Variants in PDE3A observed in about 807,000 individuals in gnomAD.
PDE3A encodes the protein cGMP-inhibited 3',5'-cyclic phosphodiesterase 3A.
A neutral mutation model predicts 98.3 loss-of-function variants in PDE3A; 43 were observed. The observed-to-expected ratio is 0.44, with a 90% CI of 0.34 to 0.56. The LOEUF (loss-of-function observed/expected upper bound fraction) is 0.56. Ranked by LOEUF, PDE3A falls within the 20% of genes least tolerant of loss-of-function variation. The probability of loss-of-function intolerance (pLI) is 0.01; values close to 1 mark genes in which losing one functional copy is unlikely to be tolerated. For missense variants in PDE3A, 1,427 were observed against 1,440.7 expected (o/e 0.99, Z 0.15); for synonymous variants, 663 against 567.9 (o/e 1.17, Z -2.38).
chr12:20,429,871 A>G lies in PDE3A; in HGVS notation c.960+59627A>G, dbSNP rs79705213. On this transcript the variant is annotated intron_variant, in intron 1 of 15. Transcript: ENST00000359062. ...ATCTTAGACACTGATTTTTTTTTTTATGTCATTTTGACATCCCTCCAGCAC... is the reference window on the plus strand; with the variant it reads ...ATCTTAGACACTGATTTTTTTTTTTGTGTCATTTTGACATCCCTCCAGCAC... Among the ~76,000 whole-genome samples the G allele has an allele frequency of 6.8e-5, 10 of 146,724 alleles. No homozygotes were observed. In the South Asian group the frequency reaches 1.5e-3, roughly 22 times the overall value.
intron 2 of PDE3A, among the ~76,000 whole-genome samples, chr12:20,570,391 G>A (rs1426132446): frequency 2.0e-5 from 2 of 100,178 alleles, no homozygotes; most frequent in African/African-American, 8.3e-5. Context: ...CTGGGCAACA[G>A]AATGCGACGC....
At chr12:20,551,114 T>A (rs954285430) in intron 1 of PDE3A, among the ~76,000 whole-genome samples, 2 of 151,790 alleles carry the variant, frequency 1.3e-5, no homozygotes, top group African/African-American at 4.8e-5. Context: ...AATTTGCAAA[T>A]ATAATAGGCA....
At chr12:20,388,131 G>A (rs939372092) in intron 1 of PDE3A, among the ~76,000 whole-genome samples, 8 of 152,032 alleles carry the variant, frequency 5.3e-5, no homozygotes, top group South Asian at 2.1e-4. Flanking sequence ...CTTAGTGGTC[G>A]TTTGGGTTGG....
At chr12:20,640,898 T>G (rs1318225262) in intron 10 of PDE3A, among the ~76,000 whole-genome samples, 1 of 152,130 alleles carries the variant, frequency 6.6e-6, no homozygotes, top group Non-Finnish European at 1.5e-5. Flanking sequence ...AATATGTTAT[T>G]TAAATCATAT....
chr12:20,559,491 GATA>G (rs140415835), intron 2 of PDE3A, among the ~76,000 whole-genome samples: 115 of 149,164 alleles, frequency 7.7e-4, no homozygotes, highest in Admixed American at 3.0e-3. Flanking sequence ...TACAAATAAT[GATA>G]ATAATAATAA....
intron 1 of PDE3A, among the ~76,000 whole-genome samples, chr12:20,506,126 G>GTGTGTA (rs1435336754): frequency 9.5e-4 from 141 of 148,694 alleles, no homozygotes; most frequent in African/African-American, 3.5e-3. Flanking sequence ...GTGTGTGTGT[G>GTGTGTA]TGTATGTGTG....
At chr12:20,386,463 A>G (rs1167899232) in intron 1 of PDE3A, among the ~76,000 whole-genome samples, 1 of 150,734 alleles carries the variant, frequency 6.6e-6, no homozygotes. Flanking sequence ...GCCTTTGTCC[A>G]CTTTTTAATG....
chr12:20,562,995 A>G (rs1011859601), intron 2 of PDE3A, among the ~76,000 whole-genome samples: 2 of 152,170 alleles, frequency 1.3e-5, no homozygotes, highest in African/African-American at 2.4e-5. Context: ...CCTATTTTGG[A>G]GCAGGTCTTT....
At chr12:20,664,179 T>A (rs1945250792) in intron 15 of PDE3A, among the ~76,000 whole-genome samples, 1 of 152,122 alleles carries the variant, frequency 6.6e-6, no homozygotes, top group African/African-American at 2.4e-5. Context: ...TGTGGAACTG[T>A]GAGTCAATTA....
intron 2 of PDE3A, among the ~76,000 whole-genome samples, chr12:20,589,761 C>T (rs898719712): frequency 2.7e-5 from 4 of 150,740 alleles, no homozygotes; most frequent in Admixed American, 6.6e-5. Context: ...CCCAGCTACT[C>T]GGGAGGCTGA....
chr12:20,433,383 G>GA (rs1944728829), intron 1 of PDE3A, among the ~76,000 whole-genome samples: 2 of 152,088 alleles, frequency 1.3e-5, no homozygotes, highest in African/African-American at 2.4e-5. Context: ...TTATGATGTA[G>GA]AAAAAAATTT....
intron 9 of PDE3A, among the ~76,000 whole-genome samples, chr12:20,639,320 A>G (rs1476432831): frequency 6.6e-6 from 1 of 152,106 alleles, no homozygotes; most frequent in Non-Finnish European, 1.5e-5. Context: ...TTTTGTTCCA[A>G]TCATGTTCCA....
At chr12:20,647,081 G>A in intron 12 of PDE3A, 131 bp downstream of exon 12, 1 of 628,588 alleles carries the variant, frequency 1.6e-6, no homozygotes, top group Non-Finnish European at 2.8e-6. Context: ...GAAATTCTCA[G>A]AGACCGTGCT....
At chr12:20,629,211 A>T (rs1446447571) in intron 5 of PDE3A, among the ~76,000 whole-genome samples, 3 of 152,196 alleles carry the variant, frequency 2.0e-5, no homozygotes, top group Non-Finnish European at 4.4e-5. Context: ...ATCCTGTAAA[A>T]TTCTTACAAT....
chr12:20,449,957 A>G (rs1367756912), intron 1 of PDE3A: 2 of 759,576 alleles, frequency 2.6e-6, no homozygotes, highest in African/African-American at 1.8e-5. Flanking sequence ...GCCCCCTTAT[A>G]TGGAGGGTTG....
At chr12:20,516,172 C>G (rs1302080032) in intron 1 of PDE3A, among the ~76,000 whole-genome samples, 2 of 151,852 alleles carry the variant, frequency 1.3e-5, no homozygotes, top group Admixed American at 6.6e-5. Context: ...GACAAGCATA[C>G]TTTTTTTTCA....
intron 2 of PDE3A, among the ~76,000 whole-genome samples, chr12:20,591,375 G>A (rs566774772): frequency 4.5e-4 from 69 of 152,322 alleles, no homozygotes; most frequent in African/African-American, 1.6e-3. Flanking sequence ...CTACCTTAGG[G>A]TCAAACTGTC....
intron 1 of PDE3A, among the ~76,000 whole-genome samples, chr12:20,507,060 G>C (rs774592970): frequency 2.0e-5 from 3 of 151,766 alleles, no homozygotes; most frequent in East Asian, 1.9e-4. Flanking sequence ...TCACATAAAG[G>C]GTATTTATTA....
At chr12:20,528,033 G>A (rs1946558449) in intron 1 of PDE3A, among the ~76,000 whole-genome samples, 2 of 152,116 alleles carry the variant, frequency 1.3e-5, no homozygotes, top group South Asian at 4.1e-4. Flanking sequence ...GAGTTTGTAA[G>A]AATGGGCCCA....
Sources: allele counts gnomAD v4.1 joint callset (sites outside exome capture counted in the v4.1 genomes callset), GRCh38; gene constraint gnomAD v4.1.1; transcripts MANE v1.5; gene names NCBI Gene and HGNC (gene_info 2026-07-23, HGNC 2026-07-21).